OSBPL6: variants seen among roughly 807,000 people sequenced by gnomAD.
The protein encoded by OSBPL6 is oxysterol binding protein like 6, also known as oxysterol-binding protein-related protein 6.
In OSBPL6, 49 loss-of-function variants were observed where a neutral mutation model predicts 125.8. The ratio of observed to expected loss-of-function variants is 0.39; its 90% CI spans 0.31 to 0.49. The LOEUF is 0.49. Among genes scored for constraint, OSBPL6 ranks in the 20% least tolerant of loss-of-function variants. OSBPL6 has a pLI of 0.88. For missense variants in OSBPL6, 986 were observed against 1,135.4 expected, an observed-to-expected ratio of 0.87 and a Z score of 1.89; for synonymous variants, 394 against 391.8, an observed-to-expected ratio of 1.01 and a Z score of -0.07.
At chr2:178,289,016 C>CTTTTTT (rs58943076) in intron 2 of OSBPL6, among the ~76,000 whole-genome samples, 1 of 130,606 alleles carries the variant, frequency 7.7e-6, no homozygotes, top group Admixed American at 7.8e-5. Flanking sequence ...TCTTTTTCTT[C>CTTTTTT]TTTTTTTTTT....
intron 2 of OSBPL6, among the ~76,000 whole-genome samples, chr2:178,290,535 G>T (rs1685160833): frequency 6.8e-6 from 1 of 148,062 alleles, no homozygotes; most frequent in African/African-American, 2.5e-5. Context: ...CCTATCATAT[G>T]TGAATCACAG....
chr2:178,226,810 G>T (rs1431933880), intron 1 of OSBPL6, among the ~76,000 whole-genome samples: 2 of 152,094 alleles, frequency 1.3e-5, no homozygotes, highest in Admixed American at 6.5e-5. Flanking sequence ...AAGACTTTTA[G>T]TCTTCAGAGA....
intron 3 of OSBPL6, among the ~76,000 whole-genome samples, chr2:178,307,601 A>G (rs1028280507): frequency 2.0e-5 from 3 of 151,978 alleles, no homozygotes; most frequent in African/African-American, 4.8e-5. Flanking sequence ...CCAGGAATGG[A>G]AGCACTTTTA....
chr2:178,305,238 A>G (rs1395933373), intron 2 of OSBPL6, among the ~76,000 whole-genome samples: 1 of 152,204 alleles, frequency 6.6e-6, no homozygotes, highest in Non-Finnish European at 1.5e-5. Context: ...TTTTAATGTT[A>G]TACCATAGTG....
At chr2:178,265,299 C>A (rs145181499) in intron 1 of OSBPL6, among the ~76,000 whole-genome samples, 1 of 139,466 alleles carries the variant, frequency 7.2e-6, no homozygotes, top group East Asian at 2.1e-4. Flanking sequence ...GTAGCCTCAA[C>A]CTTCTGGGCT....
chr2:178,336,512 G>A (rs1689697747), intron 9 of OSBPL6, 79 bp downstream of exon 9: 1 of 1,508,942 alleles, frequency 6.6e-7, no homozygotes, highest in Admixed American at 1.9e-5. Flanking sequence ...AATTATGAGT[G>A]CTACATCTTT....
At chr2:178,259,814 T>C (rs1574659349) in intron 1 of OSBPL6, among the ~76,000 whole-genome samples, 1 of 152,352 alleles carries the variant, frequency 6.6e-6, no homozygotes, top group East Asian at 1.9e-4. Context: ...GAGTTACTCA[T>C]AATTTCTTTA....
rs564501350 is a variant in OSBPL6 at position 178,343,727 on chromosome 2, A to C, written c.987+3963A>C. Among the ~76,000 whole-genome samples the C allele has an allele frequency of 9.9e-5, 15 of 152,272 alleles. No homozygotes were observed. In the South Asian group the frequency reaches 1.0e-3, roughly 11 times the overall value. On this transcript the variant is annotated intron_variant, in intron 11 of 24. Transcript: ENST00000190611. ...AATCCCAGCACTCTTACTGATGTTG[A>C]GTCCCAGATAGTGAGCTGTATAATA... is the stretch of plus-strand genomic sequence containing the variant.
chr2:178,260,211 C>G (rs1421286889), intron 1 of OSBPL6, among the ~76,000 whole-genome samples: 1 of 152,070 alleles, frequency 6.6e-6, no homozygotes, highest in East Asian at 1.9e-4. Flanking sequence ...CAAAGGTGAC[C>G]AATGAATTGT....
At chr2:178,364,047 C>A (rs935461831) in intron 13 of OSBPL6, among the ~76,000 whole-genome samples, 1 of 152,214 alleles carries the variant, frequency 6.6e-6, no homozygotes, top group African/African-American at 2.4e-5. Flanking sequence ...GAAACCACAG[C>A]AGCCTTTGCT....
chr2:178,398,628 C>T lies in OSBPL6; in HGVS notation c.*3069C>T. The T allele has an allele frequency of 6.6e-6, 1 of 151,976 alleles. No homozygotes were observed. Among genetic ancestry groups the T allele is most frequent in the East Asian group, 1.9e-4 (1 of 5,192 alleles). 9.4% of individuals were successfully genotyped at this position (151,976 alleles called of 1,614,324 possible). Reference sequence around the variant, plus strand: ...TTTTCAGGCAATTGTAAAAATAAACCTTATTTAAGATAACTTTTAATGGTA... The same window carrying T: ...TTTTCAGGCAATTGTAAAAATAAACTTTATTTAAGATAACTTTTAATGGTA... On this transcript the variant is annotated 3_prime_UTR_variant, in exon 25 of 25. Coordinates refer to ENST00000190611, the MANE Select transcript of OSBPL6 (RefSeq NM_032523.4).
chr2:178,308,368 T>C (rs1686969254), intron 3 of OSBPL6, among the ~76,000 whole-genome samples: 1 of 152,238 alleles, frequency 6.6e-6, no homozygotes, highest in Non-Finnish European at 1.5e-5. Context: ...ACTGTTTTCA[T>C]AGTGAAGGGA....
At chr2:178,288,476 T>A (rs1230352438) in intron 2 of OSBPL6, among the ~76,000 whole-genome samples, 1 of 152,076 alleles carries the variant, frequency 6.6e-6, no homozygotes, top group Non-Finnish European at 1.5e-5. Flanking sequence ...GAAAAATGAG[T>A]CGCCCAAACA....
intron 1 of OSBPL6, among the ~76,000 whole-genome samples, chr2:178,205,471 A>T (rs1028394145): frequency 1.3e-5 from 2 of 152,238 alleles, no homozygotes; most frequent in Non-Finnish European, 2.9e-5. Flanking sequence ...TGGATCTCTA[A>T]TAACAGTTCC....
rs562292749 is a variant in OSBPL6 at position 178,399,943 on chromosome 2, A to G, written c.*4384A>G. On this transcript the variant is annotated 3_prime_UTR_variant, in exon 25 of 25. Coordinates refer to ENST00000190611, the MANE Select transcript of OSBPL6 (RefSeq NM_032523.4). ...GTATCTTCAAATTGGTAAGAAAAAA[A>G]CATAAAACAAAAATGTTCTTATTTT... The G allele has an allele frequency of 6.6e-6, 1 of 152,324 alleles. No homozygotes were observed. The highest frequency in any genetic ancestry group is 1.5e-5 in the Non-Finnish European group (1 of 68,028). 9.4% of individuals were successfully genotyped at this position (152,324 alleles called of 1,614,324 possible).
intron 2 of OSBPL6, among the ~76,000 whole-genome samples, chr2:178,287,504 C>T (rs1684819809): frequency 6.6e-6 from 1 of 152,170 alleles, no homozygotes; most frequent in African/African-American, 2.4e-5. Context: ...TGAAATCGTG[C>T]ATGAGTCCCT....
At chr2:178,217,112 A>G (rs2090123060) in intron 1 of OSBPL6, among the ~76,000 whole-genome samples, 1 of 152,224 alleles carries the variant, frequency 6.6e-6, no homozygotes, top group Non-Finnish European at 1.5e-5. Context: ...TTTGGGAAAT[A>G]CATACTGGAA....
At position 178,387,129 on chromosome 2, in the gene OSBPL6, A is replaced by G. The variant is rs755267422; in HGVS notation, c.2146A>G (p.Met716Val). ...EILPVGTLNV[M>V]LPKYGDYYVW... ...CCTGCCTGTTGGAACACTGAATGTCATGCTTCCAAAGTAGGTGACTCACAC... is the reference window on the plus strand; with the variant it reads ...CCTGCCTGTTGGAACACTGAATGTCGTGCTTCCAAAGTAGGTGACTCACAC... Residue 716 changes from methionine (M) to valine (V), a missense_variant, in exon 20 of 25, where the codon ATG (methionine) becomes GTG (valine). This residue lies in a region of OSBPL6 where 843 missense variants were observed against 997.3 expected (regional missense o/e 0.85). Coordinates refer to ENST00000190611, the MANE Select transcript of OSBPL6 (RefSeq NM_032523.4). The G allele has an allele frequency of 1.2e-6, 2 of 1,610,178 alleles. No individual in the cohort carries two copies. The highest frequency in any genetic ancestry group is 8.5e-7 in the Non-Finnish European group (1 of 1,176,720).
chr2:178,338,922 C>T, intron 9 of OSBPL6, 69 bp from the exon 10 acceptor site: 1 of 1,029,194 alleles, frequency 9.7e-7, no homozygotes, highest in Admixed American at 2.0e-5. Context: ...TTTGCATTGA[C>T]CCTTTTATTA....
Sources: gnomAD v4.1 joint callset for allele counts (sites outside exome capture counted in the v4.1 genomes callset) on GRCh38, gnomAD v4.1.1 for gene constraint, gnomAD v4.1.1 regional missense constraint, MANE v1.5 for transcripts, NCBI Gene and HGNC (gene_info 2026-07-23, HGNC 2026-07-21) for gene names.